ANKRD30BL: variants seen among roughly 807,000 people sequenced by gnomAD.
The protein encoded by ANKRD30BL is ankyrin repeat domain 30B like.
In ANKRD30BL, 20 loss-of-function variants were observed where a neutral mutation model predicts 18.4. The ratio of observed to expected loss-of-function variants is 1.09; its 90% CI spans 0.77 to 1.58. ANKRD30BL has a LOEUF of 1.58. Ranked by LOEUF, ANKRD30BL falls within the 40% of genes most tolerant of loss-of-function variation. ANKRD30BL has a pLI of 0.00. For missense variants in ANKRD30BL, 224 were observed against 268.6 expected, an observed-to-expected ratio of 0.83 and a Z score of 1.16; for synonymous variants, 72 against 100.9, an observed-to-expected ratio of 0.71 and a Z score of 1.72.
At chr2:132,166,188 C>A (rs1688184041), upstream of ANKRD30BL, among the ~76,000 whole-genome samples, 1 of 152,050 alleles carries the variant, frequency 6.6e-6, no homozygotes, top group Non-Finnish European at 1.5e-5. Flanking sequence ...TAGTTAGATT[C>A]AATTGTCTAG....
intron 1 of ANKRD30BL, among the ~76,000 whole-genome samples, chr2:132,252,663 C>T (rs1231539667): frequency 1.5e-4 from 23 of 152,200 alleles, no homozygotes; most frequent in Non-Finnish European, 3.2e-4. Flanking sequence ...CGAACTGCGG[C>T]GACTGTGACG....
intron 1 of ANKRD30BL, among the ~76,000 whole-genome samples, chr2:132,237,485 T>C (rs145636308): frequency 6.6e-6 from 1 of 152,074 alleles, no homozygotes; most frequent in Non-Finnish European, 1.5e-5. Flanking sequence ...CAGAAACTTA[T>C]TTGTGATGTG....
At chr2:132,221,431 C>T (rs1224233227) in intron 1 of ANKRD30BL, among the ~76,000 whole-genome samples, 1 of 134,460 alleles carries the variant, frequency 7.4e-6, no homozygotes, top group Non-Finnish European at 1.6e-5. Flanking sequence ...GGGATCAGCC[C>T]CCCGCCTGGC....
rs532634083 is a variant in ANKRD30BL, at chr2:132,200,322, G to A, written n.442-43176C>T. 1.6e-3 allele frequency among the ~76,000 whole-genome samples: 243 copies of A among 151,478 alleles called. 2 individuals carry two copies. Among genetic ancestry groups the A allele is most frequent in the African/African-American group, 5.7e-3 (234 of 40,906 alleles). ...AATCAGGCAGGAGAAGGAAATAAAG[G>A]GTATTCAATTAGGAAAAGAGGAAGT... On this transcript the variant is annotated intron_variant and non_coding_transcript_variant, in intron 1 of 4. Coordinates refer to the ANKRD30BL transcript ENST00000470729.
chr2:132,165,526 A>C (rs1688172369), upstream of ANKRD30BL, among the ~76,000 whole-genome samples: 1 of 150,426 alleles, frequency 6.6e-6, no homozygotes, highest in African/African-American at 2.5e-5. Flanking sequence ...AAATTTCCCA[A>C]ATCAACAGGT....
At chr2:132,231,767 C>G (rs1680023426) in intron 1 of ANKRD30BL, among the ~76,000 whole-genome samples, 1 of 152,174 alleles carries the variant, frequency 6.6e-6, no homozygotes, top group Non-Finnish European at 1.5e-5. Flanking sequence ...GGGGGAGGGG[C>G]ACCCGCCATT....
At chr2:132,231,673 G>T (rs1443879384) in intron 1 of ANKRD30BL, among the ~76,000 whole-genome samples, 1 of 152,180 alleles carries the variant, frequency 6.6e-6, no homozygotes, top group Non-Finnish European at 1.5e-5. Context: ...TCCCGCACCT[G>T]GCTCGGAGGG....
chr2:132,161,043 T>C (rs7566582), intron 1 of ANKRD30BL, among the ~76,000 whole-genome samples: 11,729 of 142,276 alleles, frequency 0.082, 1,146 homozygotes, highest in East Asian at 0.23. Context: ...CTGGACTTTA[T>C]CCAAAAAATT....
At chr2:132,174,288 A>G (rs1688327516) in intron 1 of ANKRD30BL, among the ~76,000 whole-genome samples, 1 of 152,192 alleles carries the variant, frequency 6.6e-6, no homozygotes, top group East Asian at 1.9e-4. Context: ...GTGGCTACAA[A>G]CTAGTATTAG....
chr2:132,215,901 G>C (rs149002869), intron 1 of ANKRD30BL, among the ~76,000 whole-genome samples: 1 of 150,106 alleles, frequency 6.7e-6, no homozygotes, highest in African/African-American at 2.5e-5. Context: ...TTCTGAGAAA[G>C]TTTTTTGTGA....
chr2:132,221,954 C>T (rs1420272387), intron 1 of ANKRD30BL, among the ~76,000 whole-genome samples: 26 of 127,718 alleles, frequency 2.0e-4, no homozygotes, highest in African/African-American at 4.0e-4. Context: ...CCGCCCCGTC[C>T]GGGAGGTGAG....
intron 1 of ANKRD30BL, among the ~76,000 whole-genome samples, chr2:132,233,316 A>C: frequency 6.7e-6 from 1 of 149,654 alleles, no homozygotes; most frequent in African/African-American, 2.5e-5. Flanking sequence ...TAATGACAGG[A>C]TCAAATTCAC....
chr2:132,243,967 A>T lies in ANKRD30BL; in HGVS notation n.441+13562T>A, dbSNP rs1573886459. Among the ~76,000 whole-genome samples, 4 of 152,342 alleles carry T rather than the reference A, an allele frequency of 2.6e-5. No homozygotes were observed. In the East Asian group the frequency reaches 7.7e-4, roughly 29 times the overall value. Reference sequence around the variant, plus strand: ...TCTTTGTGATGTGCATACTCAACTCACAGAGTTGAACTTTTCTTTTGATAG... The same window carrying T: ...TCTTTGTGATGTGCATACTCAACTCTCAGAGTTGAACTTTTCTTTTGATAG... On this transcript the variant is annotated intron_variant and non_coding_transcript_variant, in intron 1 of 4. Transcript: ENST00000470729.
intron 1 of ANKRD30BL, among the ~76,000 whole-genome samples, chr2:132,218,854 C>T (rs1460562695): frequency 2.0e-5 from 3 of 152,148 alleles, no homozygotes; most frequent in Non-Finnish European, 4.4e-5. Context: ...GTGATGCGTA[C>T]ATTCAACTAA....
chr2:132,199,955 T>C (rs1400413482), intron 1 of ANKRD30BL, among the ~76,000 whole-genome samples: 2 of 152,134 alleles, frequency 1.3e-5, no homozygotes, highest in East Asian at 3.9e-4. Flanking sequence ...ATCAAAAAGC[T>C]TATCCAACAC....
chr2:132,213,815 C>T (rs1314902029), intron 1 of ANKRD30BL, among the ~76,000 whole-genome samples: 2 of 151,956 alleles, frequency 1.3e-5, no homozygotes, highest in African/African-American at 4.8e-5. Flanking sequence ...AAGGAAGTAA[C>T]TTCCCATAAA....
chr2:132,227,710 G>A (rs529921047), intron 1 of ANKRD30BL, among the ~76,000 whole-genome samples: 3 of 152,180 alleles, frequency 2.0e-5, no homozygotes, highest in African/African-American at 7.2e-5. Context: ...TAGTGGAAAA[G>A]GAAATATCTT....
At chr2:132,222,802 CT>C (rs1460244369) in intron 1 of ANKRD30BL, among the ~76,000 whole-genome samples, 9 of 120,100 alleles carry the variant, frequency 7.5e-5, no homozygotes, top group African/African-American at 2.6e-4. Context: ...GCCAAATCCC[CT>C]TCTGTGAGAA....
chr2:132,241,493 C>A (rs1680323977), intron 1 of ANKRD30BL, among the ~76,000 whole-genome samples: 1 of 151,294 alleles, frequency 6.6e-6, no homozygotes, highest in African/African-American at 2.4e-5. Flanking sequence ...CACTTTGAGG[C>A]CTGTGGTAAA....
Sources: gnomAD v4.1 joint callset for allele counts (sites outside exome capture counted in the v4.1 genomes callset) on GRCh38, gnomAD v4.1.1 for gene constraint, MANE v1.5 for transcripts, NCBI Gene and HGNC (gene_info 2026-07-23, HGNC 2026-07-21) for gene names.